Variants in SLC10A2 observed in about 807,000 individuals in gnomAD.
The protein encoded by SLC10A2 is ileal sodium/bile acid cotransporter.
In SLC10A2, 34 loss-of-function variants were observed where a neutral mutation model predicts 27.1. The observed-to-expected ratio is 1.26, with a 90% CI of 0.96 to 1.67. The LOEUF (loss-of-function observed/expected upper bound fraction) is 1.67. SLC10A2 is among the 40% of genes most tolerant of loss of function. The pLI is 0.00. For missense variants in SLC10A2, 530 were observed against 444.4 expected (o/e 1.19, Z -1.73); for synonymous variants, 205 against 174.0 (o/e 1.18, Z -1.40).
chr13:103,051,428 C>G lies in SLC10A2; in HGVS notation c.590G>C (p.Gly197Ala), dbSNP rs202165094. ...AATGAGGATGGCGCCCGCGATGGAC[C>G]CAATCTGAAAAAAAAAGGAATAAGT... ...PQKAKIILKI[G>A]SIAGAILIVL... The change falls in exon 4 of 6, where the codon GGG (glycine) becomes GCG (alanine). Residue 197 changes from glycine (G) to alanine (A), a missense_variant. By Grantham distance (60) the Gly-to-Ala change is moderately conservative. Transcript: ENST00000245312. The G allele has an allele frequency of 1.9e-6, 3 of 1,613,432 alleles. No homozygotes were observed. Among genetic ancestry groups the G allele is most frequent in the Non-Finnish European group, 1.7e-6 (2 of 1,179,844 alleles).
At chr13:103,057,621 C>A (rs915926153) in intron 2 of SLC10A2, among the ~76,000 whole-genome samples, 26 of 152,142 alleles carry the variant, frequency 1.7e-4, no homozygotes, top group African/African-American at 6.0e-4. Context: ...GTGGCTCATG[C>A]ATGTTATCCC....
intron 1 of SLC10A2, among the ~76,000 whole-genome samples, chr13:103,059,495 C>T (rs573285338): frequency 2.7e-4 from 41 of 152,250 alleles, no homozygotes; most frequent in Admixed American, 2.6e-3. Flanking sequence ...TATACATGTG[C>T]CTATGTGCCT....
intron 2 of SLC10A2, 92 bp downstream of exon 2, chr13:103,058,172 C>A: frequency 1.2e-6 from 1 of 822,384 alleles, no homozygotes; most frequent in Non-Finnish European, 2.2e-6. Flanking sequence ...AGGGCAATAA[C>A]GGTCAGGTGT....
At chr13:103,046,328 A>C (rs1875610926) in intron 5 of SLC10A2, 68 bp from the exon 6 acceptor site, 3 of 1,295,906 alleles carry the variant, frequency 2.3e-6, no homozygotes, top group Non-Finnish European at 3.3e-6. Context: ...CTTTGCATAG[A>C]GATTATAACC....
chr13:103,060,623 G>A (rs1019048533), intron 1 of SLC10A2, among the ~76,000 whole-genome samples: 2 of 152,042 alleles, frequency 1.3e-5, no homozygotes, highest in African/African-American at 4.8e-5. Flanking sequence ...TGATCCGCTC[G>A]CCTAGGCCTT....
At chr13:103,060,776 C>T (rs1033700951) in intron 1 of SLC10A2, among the ~76,000 whole-genome samples, 2 of 152,112 alleles carry the variant, frequency 1.3e-5, no homozygotes, top group African/African-American at 2.4e-5. Flanking sequence ...TCTGAAAGGC[C>T]CTTCTCTCAA....
At chr13:103,064,427 TCCAGTACCACACA>T (rs1165693522) in intron 1 of SLC10A2, among the ~76,000 whole-genome samples, 1 of 152,156 alleles carries the variant, frequency 6.6e-6, no homozygotes, top group East Asian at 1.9e-4. Flanking sequence ...AACCTAATAG[TCCAGTACCACACA>T]CGTTTTTTTT....
chr13:103,049,254 G>C (rs201541076), intron 5 of SLC10A2, 35 bp downstream of exon 5: 6 of 1,610,634 alleles, frequency 3.7e-6, no homozygotes, highest in Non-Finnish European at 5.1e-6. Context: ...ATTTTTCAAA[G>C]ATTATCATGA....
At chr13:103,053,069 A>G (rs1875833696) in intron 2 of SLC10A2, among the ~76,000 whole-genome samples, 1 of 142,392 alleles carries the variant, frequency 7.0e-6, no homozygotes, top group Admixed American at 7.3e-5. Flanking sequence ...TCTAGGAAAA[A>G]TAGCTCACCA....
Position 103,064,546 on chromosome 13 carries a change from G to C in SLC10A2, c.377+1327C>G, listed in dbSNP as rs771078313. On this transcript the variant is annotated intron_variant, in intron 1 of 5. Transcript: ENST00000245312. The stretch of plus-strand genomic sequence containing the variant: ...AATATTATGAGAAAGCTGTTTATTG[G>C]GGGTCAAGGCCCAATGTTCCAAGTA... 2.2e-4 allele frequency among the ~76,000 whole-genome samples: 33 copies of C among 152,102 alleles called. 1 individual carries two copies. Among genetic ancestry groups the C allele is most frequent in the South Asian group, 2.1e-4 (1 of 4,804 alleles).
intron 1 of SLC10A2, among the ~76,000 whole-genome samples, chr13:103,063,384 T>C (rs559014662): frequency 1.6e-4 from 25 of 152,276 alleles, no homozygotes; most frequent in Non-Finnish European, 2.6e-4. Flanking sequence ...TTAGCTCAAT[T>C]AGTGTAGCTG....
intron 2 of SLC10A2, among the ~76,000 whole-genome samples, chr13:103,056,091 G>C (rs551501253): frequency 1.3e-5 from 2 of 152,362 alleles, no homozygotes; most frequent in East Asian, 1.9e-4. Flanking sequence ...AGCTGCATAA[G>C]GGATACGAAT....
In SLC10A2 at chr13:103,065,921, G is replaced by C. The variant is rs200343459; in HGVS notation, c.329C>G (p.Thr110Ser). ...CCAATAGGCCAAGATATTGGAGGCA[G>C]TTCCTCCAGGGCAGCATCCTATAAT... ...VLIIGCCPGG[T>S]ASNILAYWVD... Residue 110 changes from threonine to serine, a missense_variant, in exon 1 of 6, where the codon ACT (threonine) becomes AGT (serine). Thr to Ser is a moderately conservative substitution (Grantham distance 58). Coordinates refer to ENST00000245312, the MANE Select transcript of SLC10A2 (RefSeq NM_000452.3). The C allele has an allele frequency of 6.2e-7, 1 of 1,614,190 alleles. No individual in the cohort carries two copies.
At position 103,066,294 on chromosome 13, in the gene SLC10A2, T is replaced by G. The variant is rs1876280898; in HGVS notation, c.-45A>C. On this transcript the variant is annotated 5_prime_UTR_variant, in exon 1 of 6. Coordinates refer to ENST00000245312, the MANE Select transcript of SLC10A2 (RefSeq NM_000452.3). ...AAGGCCAAGTCCACAGAAGCGCTGG[T>G]CCCTGGGCCCTGGCTCTGCTGCTGG... 3.2e-6 allele frequency: 5 copies of G among 1,549,436 alleles called. No individual in the cohort carries two copies. The highest frequency in any genetic ancestry group is 4.4e-6 in the Non-Finnish European group (5 of 1,149,034).
At chr13:103,050,051 G>A (rs995153233) in intron 4 of SLC10A2, among the ~76,000 whole-genome samples, 10 of 151,970 alleles carry the variant, frequency 6.6e-5, no homozygotes, top group African/African-American at 1.7e-4. Flanking sequence ...CCAGCTCCTC[G>A]GGAGGCTAAG....
At chr13:103,052,470 A>ATCTTC (rs1875813164) in intron 3 of SLC10A2, 150 bp downstream of exon 3, 1 of 690,270 alleles carries the variant, frequency 1.4e-6, no homozygotes, top group Non-Finnish European at 2.7e-6. Flanking sequence ...AAAGAAGGAC[A>ATCTTC]TTCTAAAGGA....
chr13:103,061,479 T>A (rs1224245297), intron 1 of SLC10A2, among the ~76,000 whole-genome samples: 1 of 152,144 alleles, frequency 6.6e-6, no homozygotes, highest in Non-Finnish European at 1.5e-5. Context: ...ATTTATTAAC[T>A]GGGTTCCAGT....
chr13:103,060,884 A>AAACAAC (rs10688538), intron 1 of SLC10A2, among the ~76,000 whole-genome samples: 12,800 of 151,084 alleles, frequency 0.085, 898 homozygotes, highest in African/African-American at 0.19. Context: ...CTGCCCCCCA[A>AAACAAC]AACAACAACA....
intron 1 of SLC10A2, among the ~76,000 whole-genome samples, chr13:103,060,587 G>T (rs562030292): frequency 5.6e-4 from 85 of 151,946 alleles, no homozygotes; most frequent in African/African-American, 2.0e-3. Context: ...TGTTGTCCAG[G>T]CTGGTCTCAA....
Sources: gnomAD v4.1 joint callset for allele counts (sites outside exome capture counted in the v4.1 genomes callset) on GRCh38, gnomAD v4.1.1 for gene constraint, MANE v1.5 for transcripts, NCBI Gene and HGNC (gene_info 2026-07-23, HGNC 2026-07-21) for gene names.